BCKDK: variants seen among roughly 807,000 people sequenced by gnomAD.
The protein encoded by BCKDK is branched-chain alpha-ketoacid dehydrogenase kinase.
BCKDK carries 28 observed loss-of-function variants against 43.9 expected under a neutral mutation model. The observed-to-expected ratio is 0.64, with a 90% CI of 0.47 to 0.87. The LOEUF is 0.87. Among genes scored for constraint, BCKDK ranks in the 40% least tolerant of loss-of-function variants. The pLI is 0.00. For missense variants in BCKDK, 483 were observed against 581.4 expected (o/e 0.83, Z 1.74); for synonymous variants, 257 against 234.3 (o/e 1.10, Z -0.88).
chr16:31,110,918 C>T lies in BCKDK; in HGVS notation c.716+157C>T. The T allele has an allele frequency of 7.6e-7, 1 of 1,322,056 alleles. No individual in the cohort carries two copies. The highest frequency in any genetic ancestry group is 1.3e-5 in the South Asian group (1 of 74,884). The allele number at this position is 1,322,056 out of a possible 1,614,324, so 81.9% of individuals were successfully genotyped here. On this transcript the variant is annotated intron_variant, in intron 8 of 11. Transcript: ENST00000219794. The surrounding 1 kb of genome is among the most constrained non-coding windows in gnomAD (Gnocchi z 5.4). ...GATAATTCTTTGTCACAGGGGCTGC[C>T]CCGTGCACGTTAGGAAGTTCAGCAG...
Position 31,110,793 on chromosome 16 carries a change from A to T in BCKDK, c.716+32A>T, listed in dbSNP as rs1329298495. Reference sequence around the variant, plus strand: ...CAAGAATGGCTCAGGGGGTGGGCAGACATCTGGGGCAGGGAAGGCTTGGGT... The same window carrying T: ...CAAGAATGGCTCAGGGGGTGGGCAGTCATCTGGGGCAGGGAAGGCTTGGGT... On this transcript the variant is annotated intron_variant, in intron 8 of 11. Coordinates refer to ENST00000219794, the MANE Select transcript of BCKDK (RefSeq NM_005881.4). This position sits in a 1 kb window ranked among gnomAD's most constrained non-coding sequence, Gnocchi z 5.4. 1.2e-6 allele frequency: 2 copies of T among 1,605,030 alleles called. No homozygotes were observed. The highest frequency in any genetic ancestry group is 1.1e-5 in the South Asian group (1 of 90,896).
Position 31,111,957 on chromosome 16 carries a change from G to A in BCKDK, c.1024G>A (p.Asp342Asn). ...HFTTAEASTQ[D>N]PRISPLFGHL... ...CACTACTGCTGAGGCCAGCACACAGGACCCCCGGATCAGCCCCCTCTTTGG... is the reference window on the plus strand; with the variant it reads ...CACTACTGCTGAGGCCAGCACACAGAACCCCCGGATCAGCCCCCTCTTTGG... Residue 342 changes from aspartate to asparagine, a missense_variant, in exon 11 of 12, where the codon GAC (aspartate) becomes AAC (asparagine). Transcript: ENST00000219794. 1 of 1,614,110 alleles carries A rather than the reference G, an allele frequency of 6.2e-7. No individual in the cohort carries two copies. Among genetic ancestry groups the A allele is most frequent in the East Asian group, 2.2e-5 (1 of 44,890 alleles).
chr16:31,109,735 C>T lies in BCKDK; in HGVS notation c.327C>T (p.Phe109=). Residue 109 remains phenylalanine (F), a synonymous_variant, in exon 4 of 12, where the codon TTC becomes TTT. Transcript: ENST00000219794. The surrounding 1 kb of genome is among the most constrained non-coding windows in gnomAD (Gnocchi z 5.3). ...PVRIAHRIKG[F]RCLPFIIGCN... ...GGATTGCTCACCGCATCAAGGGCTT[C>T]CGCTGCCTTCCTTTCATCATTGGCT... 1.9e-6 allele frequency: 3 copies of T among 1,613,964 alleles called. No homozygotes were observed. The highest frequency in any genetic ancestry group is 2.5e-6 in the Non-Finnish European group (3 of 1,180,022).
At chr16:31,111,017 G>T in intron 8 of BCKDK, 74 bp from the exon 9 acceptor site, 2 of 1,590,354 alleles carry the variant, frequency 1.3e-6, no homozygotes, top group Middle Eastern at 2.2e-4. Flanking sequence ...ATGTTACTTA[G>T]GGGGGCAGAA....
chr16:31,108,874 T>C lies in BCKDK; in HGVS notation c.-177-173T>C, dbSNP rs1176676100. ...GCCAGTAGAGCCTCGGGTTGGGGAA[T>C]AGAAGCCCCCGGGAGGCTAGGTCCT... is the stretch of plus-strand genomic sequence containing the variant. On this transcript the variant is annotated intron_variant, in intron 1 of 11. Coordinates refer to ENST00000219794, the MANE Select transcript of BCKDK (RefSeq NM_005881.4). The surrounding 1 kb of genome is among the most constrained non-coding windows in gnomAD (Gnocchi z 6.2). The C allele has an allele frequency of 1.1e-5, 2 of 182,368 alleles. No homozygotes were observed. The highest frequency in any genetic ancestry group is 2.3e-5 in the Non-Finnish European group (2 of 87,878). 11.3% of individuals were successfully genotyped at this position (182,368 alleles called of 1,614,324 possible). A position where few individuals can be genotyped will look rare whatever the true frequency, so the allele number is the denominator to read the frequency against.
chr16:31,112,010 G>C lies in BCKDK; in HGVS notation c.1077G>C (p.Gln359His), dbSNP rs1310221037. The change falls in exon 11 of 12, where the codon CAG (glutamine) becomes CAC (histidine). Residue 359 changes from glutamine to histidine, a missense_variant. By Grantham distance (24) the Gln-to-His change is conservative. Coordinates refer to ENST00000219794, the MANE Select transcript of BCKDK (RefSeq NM_005881.4). This position sits in a 1 kb window ranked among gnomAD's most constrained non-coding sequence, Gnocchi z 5.0. Reference sequence around the variant, plus strand: ...ATCTGGACATGCATAGTGGCGCCCAGTCAGGACCCATGCACGGGTGAGACC... The same window carrying C: ...ATCTGGACATGCATAGTGGCGCCCACTCAGGACCCATGCACGGGTGAGACC... ...FGHLDMHSGAQSGPMHGFGFG... is the reference protein window; with the variant it reads ...FGHLDMHSGAHSGPMHGFGFG... The C allele has an allele frequency of 6.2e-7, 1 of 1,614,094 alleles. No homozygotes were observed.
chr16:31,112,067 C>G lies in BCKDK; in HGVS notation c.1094+40C>G, dbSNP rs935378287. 3 of 1,611,806 alleles carry G rather than the reference C, an allele frequency of 1.9e-6. No homozygotes were observed. In the African/African-American group the frequency reaches 4.0e-5, roughly 22 times the overall value. ...GGCCAGGATGGAGGGGTGGGGGACCCCAGGAGACTCAAGCCTCTGAAGCCT... is the reference window on the plus strand; with the variant it reads ...GGCCAGGATGGAGGGGTGGGGGACCGCAGGAGACTCAAGCCTCTGAAGCCT... On this transcript the variant is annotated intron_variant, in intron 11 of 11. Transcript: ENST00000219794. This position sits in a 1 kb window ranked among gnomAD's most constrained non-coding sequence, Gnocchi z 5.0.
chr16:31,110,219 G>T lies in BCKDK; in HGVS notation c.438G>T (p.Ala146=). Residue 146 remains alanine, a synonymous_variant, in exon 6 of 12, where the codon GCG becomes GCT. Coordinates refer to ENST00000219794, the MANE Select transcript of BCKDK (RefSeq NM_005881.4). This position sits in a 1 kb window ranked among gnomAD's most constrained non-coding sequence, Gnocchi z 5.4. ...LTDFPPIKDQ[A]DEAQYCQLVR... ...GTGACCTGCAGATCAAGGACCAGGC[G>T]GACGAGGCCCAGTACTGCCAGCTGG... 1 of 1,614,096 alleles carries T rather than the reference G, an allele frequency of 6.2e-7. No homozygotes were observed. The highest frequency in any genetic ancestry group is 1.1e-5 in the South Asian group (1 of 91,080).
chr16:31,112,287 C>T lies in BCKDK; in HGVS notation c.*22C>T, dbSNP rs202044903. ...CTGACCCCACAGCCTTTGGCCTGCTCACCCGACCAGCCTGGGCCGCATTCC... is the reference window on the plus strand; with the variant it reads ...CTGACCCCACAGCCTTTGGCCTGCTTACCCGACCAGCCTGGGCCGCATTCC... On this transcript the variant is annotated 3_prime_UTR_variant, in exon 12 of 12. Transcript: ENST00000219794. The surrounding 1 kb of genome is among the most constrained non-coding windows in gnomAD (Gnocchi z 5.0). The T allele has an allele frequency of 1.2e-6, 2 of 1,604,842 alleles. No individual in the cohort carries two copies. The highest frequency in any genetic ancestry group is 1.3e-5 in the African/African-American group (1 of 74,942).
downstream of BCKDK, among the ~76,000 whole-genome samples, chr16:31,113,343 A>G (rs2057428488): frequency 6.6e-6 from 1 of 152,214 alleles, no homozygotes; most frequent in South Asian, 2.1e-4. Flanking sequence ...GGCAGGGGCT[A>G]GGAAACCACA....
At chr16:31,112,861 C>A, downstream of BCKDK, 1 of 175,972 alleles carries the variant, frequency 5.7e-6, no homozygotes. This position sits in a 1 kb window ranked among gnomAD's most constrained non-coding sequence, Gnocchi z 5.0. Context: ...AGTTTTGACT[C>A]TTCCTTTCCT....
downstream of BCKDK, chr16:31,117,540 G>A (rs1167366763): frequency 4.8e-6 from 3 of 618,858 alleles, no homozygotes; most frequent in Admixed American, 8.6e-5. Context: ...GCGGGGCCGC[G>A]GGGACGGCCA....
Position 31,110,079 on chromosome 16 carries a change from T to A in BCKDK, c.378T>A (p.His126Gln), listed in dbSNP as rs1474948321. 3 of 1,607,910 alleles carry A rather than the reference T, an allele frequency of 1.9e-6. No individual in the cohort carries two copies. The Admixed American group carries it at 5.0e-5, about 27-fold the overall frequency. Reference sequence around the variant, plus strand: ...ATTCCCACACCTCTTCCTTGCAGCATGAGCTATATATCCGTGCCTTCCAGA... The same window carrying A: ...ATTCCCACACCTCTTCCTTGCAGCAAGAGCTATATATCCGTGCCTTCCAGA... ...IGCNPTILHVHELYIRAFQKL... is the reference protein window; with the variant it reads ...IGCNPTILHVQELYIRAFQKL... The change falls in exon 5 of 12, where the codon CAT (histidine) becomes CAA (glutamine). Residue 126 changes from histidine to glutamine, a missense_variant and splice_region_variant. Coordinates refer to ENST00000219794, the MANE Select transcript of BCKDK (RefSeq NM_005881.4). This position sits in a 1 kb window ranked among gnomAD's most constrained non-coding sequence, Gnocchi z 5.4.
In BCKDK at chr16:31,111,169, C is replaced by T. The variant is rs374662196; in HGVS notation, c.795C>T (p.Ile265=). ...ATGTGGCTGCCCGGTTCCCCTTCAT[C>T]CCTATGCCACTGGACTACATCCTGC... ...NGHVAARFPF[I]PMPLDYILPE... is the part of the protein sequence containing the mutation. Residue 265 remains isoleucine, a synonymous_variant, in exon 9 of 12, where the codon ATC becomes ATT. Transcript: ENST00000219794. 1.9e-6 allele frequency: 3 copies of T among 1,614,076 alleles called. No homozygotes were observed. Among genetic ancestry groups the T allele is most frequent in the South Asian group, 1.1e-5 (1 of 91,088 alleles).
At position 31,109,633 on chromosome 16, in the gene BCKDK, T is replaced by A; in HGVS notation, c.265-40T>A. 6.2e-7 allele frequency: 1 copy of A among 1,613,476 alleles called. No homozygotes were observed. Among genetic ancestry groups the A allele is most frequent in the Non-Finnish European group, 8.5e-7 (1 of 1,179,540 alleles). The stretch of plus-strand genomic sequence containing the variant: ...TGGATCCTGGAGCTCTCCCAGACAC[T>A]CAGGCTCCAGCCCCGCCTTCCCTTC... On this transcript the variant is annotated intron_variant, in intron 3 of 11. Transcript: ENST00000219794. The surrounding 1 kb of genome is among the most constrained non-coding windows in gnomAD (Gnocchi z 5.3).
rs146506343 is a variant in BCKDK at position 31,112,764 on chromosome 16, A to T, written c.*499A>T. ...GAGTGGGATGACTGCAGCACCTTAT[A>T]CAAAGAGCTTTCATTCATCTTGTTG... On this transcript the variant is annotated 3_prime_UTR_variant, in exon 12 of 12. Coordinates refer to ENST00000219794, the MANE Select transcript of BCKDK (RefSeq NM_005881.4). This position sits in a 1 kb window ranked among gnomAD's most constrained non-coding sequence, Gnocchi z 5.0. The T allele has an allele frequency of 8.5e-6, 2 of 235,908 alleles. No homozygotes were observed. Among genetic ancestry groups the T allele is most frequent in the Non-Finnish European group, 1.7e-5 (2 of 116,702 alleles). 14.6% of individuals were successfully genotyped at this position (235,908 alleles called of 1,614,324 possible).
rs1289244814 is a variant in BCKDK at position 31,110,097 on chromosome 16, C to G, written c.396C>G (p.Ala132=). The change falls in exon 5 of 12, where the codon GCC becomes GCG. Residue 132 remains alanine (A), a synonymous_variant. Coordinates refer to ENST00000219794, the MANE Select transcript of BCKDK (RefSeq NM_005881.4). The surrounding 1 kb of genome is among the most constrained non-coding windows in gnomAD (Gnocchi z 5.4). The stretch of plus-strand genomic sequence containing the variant: ...TGCAGCATGAGCTATATATCCGTGC[C>G]TTCCAGAAGCTGACAGACTTCCCTC... ...ILHVHELYIR[A]FQKLTDFPPI... is the part of the protein sequence containing the mutation. 6.2e-7 allele frequency: 1 copy of G among 1,614,172 alleles called. No individual in the cohort carries two copies. The highest frequency in any genetic ancestry group is 1.1e-5 in the South Asian group (1 of 91,084).
rs1334061517 is a variant in BCKDK, at chr16:31,110,511, G to C, written c.642+12G>C. 3.7e-6 allele frequency: 6 copies of C among 1,613,480 alleles called. No homozygotes were observed. Among genetic ancestry groups the C allele is most frequent in the Non-Finnish European group, 5.1e-6 (6 of 1,179,784 alleles). ...TGCATGAGGACAAGGTGGGGCTCTGGGACCTGAGACCCACCTGGGAACATT... is the reference window on the plus strand; with the variant it reads ...TGCATGAGGACAAGGTGGGGCTCTGCGACCTGAGACCCACCTGGGAACATT... On this transcript the variant is annotated intron_variant, in intron 7 of 11. Coordinates refer to ENST00000219794, the MANE Select transcript of BCKDK (RefSeq NM_005881.4). This position sits in a 1 kb window ranked among gnomAD's most constrained non-coding sequence, Gnocchi z 5.4.
chr16:31,112,372 G>T lies in BCKDK; in HGVS notation c.*107G>T. The T allele has an allele frequency of 6.5e-7, 1 of 1,540,472 alleles. No individual in the cohort carries two copies. The highest frequency in any genetic ancestry group is 1.7e-5 in the Admixed American group (1 of 57,860). On this transcript the variant is annotated 3_prime_UTR_variant, in exon 12 of 12. Coordinates refer to ENST00000219794, the MANE Select transcript of BCKDK (RefSeq NM_005881.4). This position sits in a 1 kb window ranked among gnomAD's most constrained non-coding sequence, Gnocchi z 5.0. The stretch of plus-strand genomic sequence containing the variant: ...CTGCTCCACACACTGCTGCATCTTG[G>T]GTCTCAGGGACCCAGACAGATGGAC...
Sources: gnomAD v4.1 joint callset for allele counts (sites outside exome capture counted in the v4.1 genomes callset) on GRCh38, gnomAD v4.1.1 for gene constraint, Gnocchi (gnomAD v3.1) non-coding constraint, MANE v1.5 for transcripts, NCBI Gene and HGNC (gene_info 2026-07-23, HGNC 2026-07-21) for gene names.